The following PGBD2 variants were observed in gnomAD, a reference collection of about 807,000 sequenced individuals.
The protein encoded by PGBD2 is piggyBac transposable element-derived protein 2.
A neutral mutation model predicts 8.1 loss-of-function variants in PGBD2; 6 were observed. The observed-to-expected ratio is 0.74, with a 90% CI of 0.40 to 1.46. PGBD2 has a LOEUF of 1.46. Ranked by LOEUF, PGBD2 falls within the 40% of genes most tolerant of loss-of-function variation. The pLI is 0.02. For missense variants in PGBD2, 802 were observed against 739.0 expected (o/e 1.09, Z -0.99); for synonymous variants, 318 against 272.2 (o/e 1.17, Z -1.66).
At chr1:248,884,990 A>AAAGG in the PGBD2 span, among the ~76,000 whole-genome samples, 1 of 152,126 alleles carries the variant, frequency 6.6e-6, no homozygotes, top group Non-Finnish European at 1.5e-5. Flanking sequence ...CTTAAATTTA[A>AAAGG]AAGGAAGAGG....
the PGBD2 span, among the ~76,000 whole-genome samples, chr1:248,876,501 C>T: frequency 6.6e-6 from 1 of 152,098 alleles, no homozygotes; most frequent in Non-Finnish European, 1.5e-5. Flanking sequence ...TATGCAAGGT[C>T]CAGGGTCCCA....
At chr1:248,924,341 C>T (rs74322946), downstream of PGBD2, among the ~76,000 whole-genome samples, 1 of 152,160 alleles carries the variant, frequency 6.6e-6, no homozygotes, top group Admixed American at 6.5e-5. Flanking sequence ...TCACTGTAGC[C>T]CTTGACAGAA....
At chr1:248,876,378 A>G in the PGBD2 span, among the ~76,000 whole-genome samples, 1 of 152,158 alleles carries the variant, frequency 6.6e-6, no homozygotes, top group Non-Finnish European at 1.5e-5. Context: ...TTCATAGGTT[A>G]ATTAGAACAG....
chr1:248,896,332 G>C, the PGBD2 span, among the ~76,000 whole-genome samples: 1 of 151,856 alleles, frequency 6.6e-6, no homozygotes, highest in Non-Finnish European at 1.5e-5. Flanking sequence ...TAATCCATAA[G>C]CCAATTTCTC....
upstream of PGBD2, among the ~76,000 whole-genome samples, chr1:248,902,117 A>G (rs1485910297): frequency 6.6e-6 from 1 of 152,064 alleles, no homozygotes; most frequent in African/African-American, 2.4e-5. Context: ...AACATTACAA[A>G]AAATAGCCAG....
intron 1 of PGBD2, among the ~76,000 whole-genome samples, chr1:248,911,263 A>G (rs544140133): frequency 0.014 from 2,017 of 147,170 alleles, 31 homozygotes; most frequent in Non-Finnish European, 0.02. Flanking sequence ...AGGACCCTGC[A>G]GCCTTCTGCA....
chr1:248,888,462 C>G, the PGBD2 span, among the ~76,000 whole-genome samples: 1 of 152,146 alleles, frequency 6.6e-6, no homozygotes, highest in Non-Finnish European at 1.5e-5. Flanking sequence ...GATGATATCT[C>G]ATTGTGGTTT....
the PGBD2 span, among the ~76,000 whole-genome samples, chr1:248,886,074 A>G: frequency 6.6e-6 from 1 of 152,242 alleles, no homozygotes; most frequent in Non-Finnish European, 1.5e-5. Flanking sequence ...TTTTGTGCAA[A>G]TAATGGTTAC....
intron 1 of PGBD2, among the ~76,000 whole-genome samples, chr1:248,911,286 CT>C (rs1330924256): frequency 6.6e-6 from 1 of 151,394 alleles, no homozygotes; most frequent in Non-Finnish European, 1.5e-5. Flanking sequence ...GTTTGTGTCC[CT>C]GGGTACTTGA....
chr1:248,917,334 C>T lies in PGBD2; in HGVS notation c.750C>T (p.Ile250=). ...TTGCCAAGGTCAGACCTCTCATCAT[C>T]CGGATGAACTGCAATTTCCAGAAGC... The part of the protein sequence containing the change: ...DRFAKVRPLI[I]RMNCNFQKHA... Residue 250 remains isoleucine, a synonymous_variant, in exon 3 of 3, where the codon ATC becomes ATT. Transcript: ENST00000329291. The T allele has an allele frequency of 1.9e-6, 3 of 1,614,190 alleles. No homozygotes were observed. Among genetic ancestry groups the T allele is most frequent in the South Asian group, 1.1e-5 (1 of 91,088 alleles).
chr1:248,920,946 T>G (rs1205114845), downstream of PGBD2, among the ~76,000 whole-genome samples: 2 of 152,210 alleles, frequency 1.3e-5, no homozygotes, highest in African/African-American at 2.4e-5. Flanking sequence ...TGTCTTCTTT[T>G]GAGAAGTGTC....
chr1:248,880,545 T>G, the PGBD2 span, among the ~76,000 whole-genome samples: 1 of 152,242 alleles, frequency 6.6e-6, no homozygotes, highest in East Asian at 1.9e-4. Context: ...CAACCCAAGT[T>G]GTGAATCTGA....
At chr1:248,897,926 G>A in the PGBD2 span, among the ~76,000 whole-genome samples, 33 of 152,298 alleles carry the variant, frequency 2.2e-4, no homozygotes, top group East Asian at 5.8e-3. Flanking sequence ...GTTTGGACCG[G>A]GAGGGATTCC....
At chr1:248,877,288 T>C in the PGBD2 span, among the ~76,000 whole-genome samples, 1 of 152,206 alleles carries the variant, frequency 6.6e-6, no homozygotes, top group Non-Finnish European at 1.5e-5. Context: ...TTTCCAGTTA[T>C]GATGACATAT....
upstream of PGBD2, among the ~76,000 whole-genome samples, chr1:248,902,405 A>T (rs1162547108): frequency 1.3e-5 from 2 of 152,336 alleles, no homozygotes; most frequent in East Asian, 3.9e-4. Flanking sequence ...TTCAAATGTA[A>T]ATCAGTTCAA....
At chr1:248,874,804 A>G in the PGBD2 span, among the ~76,000 whole-genome samples, 12 of 152,244 alleles carry the variant, frequency 7.9e-5, no homozygotes, top group South Asian at 2.5e-3. Flanking sequence ...TAATGCCACA[A>G]CCAACCCTGG....
chr1:248,917,237 G>A lies in PGBD2; in HGVS notation c.653G>A (p.Arg218Lys). The A allele has an allele frequency of 6.2e-7, 1 of 1,614,126 alleles. No individual in the cohort carries two copies. The highest frequency in any genetic ancestry group is 8.5e-7 in the Non-Finnish European group (1 of 1,180,040). The change falls in exon 3 of 3, where the codon AGG becomes AAG. Residue 218 changes from arginine (R) to lysine (K), a missense_variant. Arg to Lys is a conservative substitution (Grantham distance 26). Transcript: ENST00000329291. ...CATCTTGTGGCTGATGCAATTAGAA[G>A]GGACAGATTTGAACTAATCTTCTCA... ...HHHLVADAIR[R>K]DRFELIFSYL... is the part of the protein sequence containing the mutation.
At chr1:248,892,949 G>A in the PGBD2 span, among the ~76,000 whole-genome samples, 63 of 152,324 alleles carry the variant, frequency 4.1e-4, no homozygotes, top group Middle Eastern at 0.014. Flanking sequence ...ATTGTCATAC[G>A]TTGTTGCTTG....
At chr1:248,883,609 A>G in the PGBD2 span, among the ~76,000 whole-genome samples, 2 of 93,910 alleles carry the variant, frequency 2.1e-5, no homozygotes, top group Non-Finnish European at 3.8e-5. Context: ...TTTTTTTGAG[A>G]CAGAGTCTTG....
Sources: allele counts gnomAD v4.1 joint callset (sites outside exome capture counted in the v4.1 genomes callset), GRCh38; gene constraint gnomAD v4.1.1; transcripts MANE v1.5; gene names NCBI Gene and HGNC (gene_info 2026-07-23, HGNC 2026-07-21).